Variants in FSTL4 observed in about 807,000 individuals in gnomAD.
FSTL4 encodes the protein follistatin like 4, also known as follistatin-related protein 4.
Under a neutral mutation model 78.2 loss-of-function variants are expected in FSTL4, and 28 were observed. The ratio of observed to expected loss-of-function variants is 0.36; its 90% CI spans 0.27 to 0.49. FSTL4 has a LOEUF of 0.49. FSTL4 is among the 20% of genes least tolerant of loss of function. The probability of loss-of-function intolerance (pLI) is 0.98; values close to 1 mark genes in which losing one functional copy is unlikely to be tolerated. For synonymous variants in FSTL4, 422 were observed against 440.5 expected (o/e 0.96, Z 0.53); for missense variants, 922 against 1,084.9 (o/e 0.85, Z 2.11).
At chr5:133,772,275 T>C in the FSTL4 span, among the ~76,000 whole-genome samples, 1 of 152,320 alleles carries the variant, frequency 6.6e-6, no homozygotes, top group East Asian at 1.9e-4. Flanking sequence ...GCAAAGTGTT[T>C]ACAAAAAACA....
At chr5:133,533,732 T>C (rs570812155) in intron 3 of FSTL4, among the ~76,000 whole-genome samples, 3 of 152,304 alleles carry the variant, frequency 2.0e-5, no homozygotes, top group African/African-American at 7.2e-5. Flanking sequence ...ACATTGGAAA[T>C]GAGTCACCCT....
the FSTL4 span, among the ~76,000 whole-genome samples, chr5:133,748,690 G>A: frequency 1.3e-5 from 2 of 152,318 alleles, no homozygotes; most frequent in South Asian, 2.1e-4. Context: ...GGAGGTTTTT[G>A]CTCTCGGCTG....
In FSTL4 at chr5:133,361,826, C is replaced by T. The variant is rs1374282398; in HGVS notation, c.409+38912G>A. Among the ~76,000 whole-genome samples, 1 of 152,158 alleles carries T rather than the reference C, an allele frequency of 6.6e-6. No homozygotes were observed. The highest frequency in any genetic ancestry group is 2.4e-5 in the African/African-American group (1 of 41,438). ...ATTGAGTGAGCAAGGACCAGGGATA[C>T]CAGACATTTTGCATTGTATAAGACA... On this transcript the variant is annotated intron_variant, in intron 4 of 15. Transcript: ENST00000265342. The surrounding 1 kb of genome is among the most constrained non-coding windows in gnomAD (Gnocchi z 4.3).
intron 11 of FSTL4, among the ~76,000 whole-genome samples, chr5:133,221,916 T>TGTTTTG (rs1561626896): frequency 3.0e-5 from 4 of 132,398 alleles, no homozygotes; most frequent in Non-Finnish European, 6.3e-5. Flanking sequence ...TTTTTTTTTT[T>TGTTTTG]TTTTTTTTTT....
chr5:133,667,236 G>GA, the FSTL4 span, among the ~76,000 whole-genome samples: 1 of 150 alleles, frequency 6.7e-3, no homozygotes, highest in Non-Finnish European at 0.012. Flanking sequence ...GAATTCTGCT[G>GA]GCACCCCTCA....
chr5:133,578,599 C>G (rs1473048346), intron 2 of FSTL4, among the ~76,000 whole-genome samples: 1 of 152,188 alleles, frequency 6.6e-6, no homozygotes, highest in African/African-American at 2.4e-5. Context: ...AGGTGCCCAT[C>G]TTCAGAAATT....
At chr5:133,691,784 G>T in the FSTL4 span, among the ~76,000 whole-genome samples, 1 of 152,014 alleles carries the variant, frequency 6.6e-6, no homozygotes. Context: ...GCCTGCACAG[G>T]GATAAGGGTC....
chr5:133,534,197 A>T (rs1049907698), intron 3 of FSTL4, among the ~76,000 whole-genome samples: 1 of 152,078 alleles, frequency 6.6e-6, no homozygotes, highest in Non-Finnish European at 1.5e-5. Flanking sequence ...TGAGTCTCCT[A>T]TGAAATAGTG....
At chr5:133,301,357 C>T (rs1019679894) in intron 6 of FSTL4, among the ~76,000 whole-genome samples, 1 of 152,186 alleles carries the variant, frequency 6.6e-6, no homozygotes, top group African/African-American at 2.4e-5. Context: ...GAGGTTCTGC[C>T]TGCCAGATGC....
rs147497916 is a variant in FSTL4, at chr5:133,290,863, C to A, written c.727+21791G>T. Among the ~76,000 whole-genome samples, 896 of 152,372 alleles carry A rather than the reference C, an allele frequency of 5.9e-3. 4 individuals are homozygous for A. Among genetic ancestry groups the A allele is most frequent in the Middle Eastern group, 0.017 (5 of 294 alleles). On this transcript the variant is annotated intron_variant, in intron 6 of 15. Transcript: ENST00000265342. ...GGGCTGCTTCTTTTCAACATGACCC[C>A]CTGTGGGACCCCACTGAAATGACAA...
chr5:133,829,688 A>C, the FSTL4 span, among the ~76,000 whole-genome samples: 163 of 152,250 alleles, frequency 1.1e-3, no homozygotes, highest in African/African-American at 3.6e-3. Flanking sequence ...CTGGCTCCCA[A>C]ATGTCCCAGC....
At chr5:133,513,027 G>T (rs963868192) in intron 3 of FSTL4, among the ~76,000 whole-genome samples, 3 of 152,098 alleles carry the variant, frequency 2.0e-5, no homozygotes, top group African/African-American at 7.2e-5. Flanking sequence ...CCCCATGTTG[G>T]CCAGGCTGGT....
chr5:133,417,988 A>T (rs1001921457), intron 3 of FSTL4, among the ~76,000 whole-genome samples: 10 of 146,788 alleles, frequency 6.8e-5, no homozygotes, highest in African/African-American at 2.5e-4. Flanking sequence ...AAAAAAAAAA[A>T]GAGGTTTCAC....
At chr5:133,446,492 C>A (rs937231863) in intron 3 of FSTL4, among the ~76,000 whole-genome samples, 5 of 152,204 alleles carry the variant, frequency 3.3e-5, no homozygotes, top group Admixed American at 1.3e-4. Flanking sequence ...GCTACCTGTT[C>A]CACACTGTGG....
intron 4 of FSTL4, among the ~76,000 whole-genome samples, chr5:133,399,318 C>A (rs749962714): frequency 6.6e-6 from 1 of 152,196 alleles, no homozygotes; most frequent in Admixed American, 6.5e-5. Context: ...TTCCTAGGCT[C>A]ATTTTGGCCT....
At chr5:133,570,881 A>G (rs2112947607) in intron 2 of FSTL4, among the ~76,000 whole-genome samples, 1 of 152,324 alleles carries the variant, frequency 6.6e-6, no homozygotes, top group South Asian at 2.1e-4. Flanking sequence ...ACAGAATATA[A>G]TATTCTAGAA....
intron 7 of FSTL4, among the ~76,000 whole-genome samples, chr5:133,235,173 C>T (rs538703768): frequency 3.9e-5 from 6 of 152,028 alleles, no homozygotes; most frequent in African/African-American, 1.2e-4. Flanking sequence ...ACAATGGTCC[C>T]GAAACCCCTT....
the FSTL4 span, among the ~76,000 whole-genome samples, chr5:133,832,312 T>C: frequency 1.3e-5 from 2 of 152,374 alleles, no homozygotes; most frequent in Non-Finnish European, 2.9e-5. Flanking sequence ...AAATGTCCCC[T>C]TGTACTCAGG....
At position 133,217,368 on chromosome 5, in the gene FSTL4, C is replaced by T. The variant is rs1346410234; in HGVS notation, c.1469G>A (p.Cys490Tyr). Reference sequence around the variant, plus strand: ...GGTTGCATTTTTTTCTCTTTGAGGACAGATTTCTTCCTGCAAAGGAGATAG... The same window carrying T: ...GGTTGCATTTTTTTCTCTTTGAGGATAGATTTCTTCCTGCAAAGGAGATAG... The part of the protein sequence containing the change: ...EKIFMSYEEI[C>Y]PQREKNATQP... The change falls in exon 13 of 16, where the codon TGT becomes TAT. Residue 490 changes from cysteine (C) to tyrosine (Y), a missense_variant. Coordinates refer to ENST00000265342, the MANE Select transcript of FSTL4 (RefSeq NM_015082.2). 1 of 1,614,078 alleles carries T rather than the reference C, an allele frequency of 6.2e-7. No individual in the cohort carries two copies. The highest frequency in any genetic ancestry group is 1.3e-5 in the African/African-American group (1 of 75,044).
Sources: gnomAD v4.1 joint callset for allele counts (sites outside exome capture counted in the v4.1 genomes callset) on GRCh38, gnomAD v4.1.1 for gene constraint, Gnocchi (gnomAD v3.1) non-coding constraint, MANE v1.5 for transcripts, NCBI Gene and HGNC (gene_info 2026-07-23, HGNC 2026-07-21) for gene names.